STK10: variants seen among roughly 807,000 people sequenced by gnomAD.
STK10 encodes serine/threonine kinase 10.
STK10 carries 78 observed loss-of-function variants against 113.8 expected under a neutral mutation model. The observed-to-expected ratio is 0.69, with a 90% CI of 0.57 to 0.83. The LOEUF (loss-of-function observed/expected upper bound fraction) is 0.83. Ranked by LOEUF, STK10 falls within the 40% of genes least tolerant of loss-of-function variation. The pLI is 0.00. For synonymous variants in STK10, 465 were observed against 494.7 expected, an observed-to-expected ratio of 0.94 and a Z score of 0.80; for missense variants, 1,109 against 1,280.1, an observed-to-expected ratio of 0.87 and a Z score of 2.04.
At chr5:172,154,227 C>T (rs941012062) in intron 2 of STK10, among the ~76,000 whole-genome samples, 3 of 152,218 alleles carry the variant, frequency 2.0e-5, no homozygotes, top group African/African-American at 7.2e-5. Context: ...TGATAACCTG[C>T]ATGTCTAACA....
intron 7 of STK10, among the ~76,000 whole-genome samples, chr5:172,100,696 A>C (rs913218469): frequency 6.6e-6 from 1 of 152,132 alleles, no homozygotes; most frequent in Non-Finnish European, 1.5e-5. Flanking sequence ...CTGAAGCAAG[A>C]GAATCGCTTG....
At chr5:172,147,107 T>A (rs553668711) in intron 2 of STK10, among the ~76,000 whole-genome samples, 1 of 152,190 alleles carries the variant, frequency 6.6e-6, no homozygotes, top group Admixed American at 6.5e-5. Flanking sequence ...CATTTACTTA[T>A]GTTTACTGAT....
intron 1 of STK10, among the ~76,000 whole-genome samples, chr5:172,161,574 G>C (rs1044331832): frequency 3.0e-4 from 45 of 152,218 alleles, no homozygotes; most frequent in African/African-American, 1.1e-3. Flanking sequence ...GAGCTGCAAA[G>C]TCCCCAGGAT....
At chr5:172,078,947 CCACACA>C (rs57963957) in intron 12 of STK10, among the ~76,000 whole-genome samples, 5,138 of 144,688 alleles carry the variant, frequency 0.036, 313 homozygotes, top group African/African-American at 0.12. Context: ...TCTTATAAGT[CCACACA>C]CACACACACA....
Position 172,082,986 on chromosome 5 carries a change from T to C in STK10, c.1784A>G (p.His595Arg), listed in dbSNP as rs1768468281. ...NKHELQLEQM[H>R]KRFEQEINAK... ...GTTGATTTCCTGTTCAAAACGTTTA[T>C]GCATTTGCTCCAGCTGCAGCTCATG... The change falls in exon 11 of 19, where the codon CAT (histidine) becomes CGT (arginine). Residue 595 changes from histidine to arginine, a missense_variant. This residue lies in a region of STK10 where 885 missense variants were observed against 991.1 expected (regional missense o/e 0.89). Transcript: ENST00000176763. This position sits in a 1 kb window ranked among gnomAD's most constrained non-coding sequence, Gnocchi z 4.3. 2.5e-6 allele frequency: 4 copies of C among 1,613,848 alleles called. No individual in the cohort carries two copies. The highest frequency in any genetic ancestry group is 1.1e-5 in the South Asian group (1 of 91,064).
At chr5:172,128,226 A>G (rs1168759870) in intron 2 of STK10, among the ~76,000 whole-genome samples, 5 of 144,734 alleles carry the variant, frequency 3.5e-5, no homozygotes, top group Admixed American at 2.0e-4. Flanking sequence ...CGTCTCAAAA[A>G]AAAAAAAAAA....
intron 7 of STK10, among the ~76,000 whole-genome samples, chr5:172,097,277 T>C (rs1768877692): frequency 6.6e-6 from 1 of 152,146 alleles, no homozygotes; most frequent in Non-Finnish European, 1.5e-5. Flanking sequence ...TGACCTTAAG[T>C]GATCCACCCG....
chr5:172,096,989 T>C (rs770646721), intron 7 of STK10, among the ~76,000 whole-genome samples: 2 of 152,264 alleles, frequency 1.3e-5, no homozygotes, highest in Non-Finnish European at 1.5e-5. Context: ...ATATGCTACA[T>C]ACATTTTGTT....
At chr5:172,160,933 A>C (rs979524718) in intron 1 of STK10, among the ~76,000 whole-genome samples, 1 of 152,212 alleles carries the variant, frequency 6.6e-6, no homozygotes, top group African/African-American at 2.4e-5. Flanking sequence ...TCCACCACTT[A>C]GAAGTCTCTA....
At chr5:172,164,506 G>T (rs550887734) in intron 1 of STK10, among the ~76,000 whole-genome samples, 7 of 152,134 alleles carry the variant, frequency 4.6e-5, no homozygotes, top group Non-Finnish European at 1.0e-4. Context: ...TGAAGTCACC[G>T]GCCCAAGGTC....
intron 18 of STK10, among the ~76,000 whole-genome samples, chr5:172,049,090 C>T (rs1366825161): frequency 6.6e-6 from 1 of 152,148 alleles, no homozygotes; most frequent in Admixed American, 6.5e-5. Flanking sequence ...TGTGACCCCC[C>T]CATGCTGTTT....
At position 172,090,258 on chromosome 5, in the gene STK10, C is replaced by T. The variant is rs758247355; in HGVS notation, c.1659G>A (p.Lys553=). 7 of 1,614,152 alleles carry T rather than the reference C, an allele frequency of 4.3e-6. No homozygotes were observed. Among genetic ancestry groups the T allele is most frequent in the Non-Finnish European group, 5.9e-6 (7 of 1,180,010 alleles). ...TTSKIISEDE[K]KDEEMRFLRR... ...TGAGAAATCTCATCTCCTCATCCTTCTTCTCATCTTCGCTGATGATCTTGG... is the reference window on the plus strand; with the variant it reads ...TGAGAAATCTCATCTCCTCATCCTTTTTCTCATCTTCGCTGATGATCTTGG... The change falls in exon 10 of 19, where the codon AAG becomes AAA. Residue 553 remains lysine (K), a synonymous_variant. Transcript: ENST00000176763.
At chr5:172,078,947 C>CCACACACACACACA (rs57963957) in intron 12 of STK10, among the ~76,000 whole-genome samples, 27 of 144,730 alleles carry the variant, frequency 1.9e-4, no homozygotes, top group African/African-American at 6.8e-4. Context: ...TCTTATAAGT[C>CCACACACACACACA]CACACACACA....
At position 172,117,604 on chromosome 5, in the gene STK10, G is replaced by A. The variant is rs970530697; in HGVS notation, c.397C>T (p.Gln133Ter). The A allele has an allele frequency of 6.2e-7, 1 of 1,613,950 alleles. No homozygotes were observed. The highest frequency in any genetic ancestry group is 1.3e-5 in the African/African-American group (1 of 74,904). ...LELDRGLTEP[Q>*]IQVVCRQMLE... ...ATCTGGCGGCAAACCACCTGTATCT[G>A]GGGCTCCGTGAGGCCTCTGTCCAGC... Residue 133 changes from glutamine to a stop codon, truncating the protein, a stop_gained, in exon 4 of 19, where the codon CAG becomes TAG. Transcript: ENST00000176763. LOFTEE classifies it high-confidence loss of function.
intron 1 of STK10, among the ~76,000 whole-genome samples, chr5:172,177,583 G>A (rs1770780893): frequency 6.6e-6 from 1 of 152,220 alleles, no homozygotes; most frequent in African/African-American, 2.4e-5. Flanking sequence ...AGATGGAGAT[G>A]TGCCATAAGT....
At chr5:172,153,674 A>G (rs1440828100) in intron 2 of STK10, among the ~76,000 whole-genome samples, 2 of 152,224 alleles carry the variant, frequency 1.3e-5, no homozygotes, top group Non-Finnish European at 2.9e-5. Flanking sequence ...AGATATCCAC[A>G]TGGAAAAGTG....
chr5:172,055,203 C>T (rs1767719794), intron 16 of STK10, among the ~76,000 whole-genome samples: 2 of 152,042 alleles, frequency 1.3e-5, no homozygotes, highest in South Asian at 4.2e-4. Flanking sequence ...GTGCATCTTT[C>T]TTTTTTGTTT....
At chr5:172,110,259 G>A (rs1476036504) in intron 4 of STK10, among the ~76,000 whole-genome samples, 1 of 152,252 alleles carries the variant, frequency 6.6e-6, no homozygotes, top group Non-Finnish European at 1.5e-5. Flanking sequence ...AGTAGGGGGT[G>A]TGACCTCGAG....
At chr5:172,053,200 C>T in intron 17 of STK10, 158 bp from the exon 18 acceptor site, 1 of 618,896 alleles carries the variant, frequency 1.6e-6, no homozygotes. Flanking sequence ...ATACGTAAAT[C>T]ACATGCACCA....
Sources: gnomAD v4.1 joint callset for allele counts (sites outside exome capture counted in the v4.1 genomes callset) on GRCh38, gnomAD v4.1.1 for gene constraint, gnomAD v4.1.1 regional missense constraint, Gnocchi (gnomAD v3.1) non-coding constraint, MANE v1.5 for transcripts, NCBI Gene and HGNC (gene_info 2026-07-23, HGNC 2026-07-21) for gene names.